The following THSD7B variants were observed in gnomAD, a reference collection of about 807,000 sequenced individuals.
THSD7B encodes thrombospondin type 1 domain containing 7B.
In THSD7B, 138 loss-of-function variants were observed where a neutral mutation model predicts 213.6. The ratio of observed to expected loss-of-function variants is 0.65; its 90% CI spans 0.56 to 0.74. THSD7B has a LOEUF of 0.74. Among genes scored for constraint, THSD7B ranks in the 30% least tolerant of loss-of-function variants. The pLI is 0.00. For synonymous variants in THSD7B, 742 were observed against 687.0 expected (o/e 1.08, Z -1.25); for missense variants, 1,931 against 1,991.5 (o/e 0.97, Z 0.58).
intron 15 of THSD7B, among the ~76,000 whole-genome samples, chr2:137,453,662 C>A (rs1294918562): frequency 1.3e-5 from 2 of 152,028 alleles, no homozygotes; most frequent in Non-Finnish European, 2.9e-5. Context: ...TTGAAATGTA[C>A]AATACACTAT....
At chr2:137,412,577 A>G (rs922836119) in intron 14 of THSD7B, among the ~76,000 whole-genome samples, 3 of 146,300 alleles carry the variant, frequency 2.1e-5, no homozygotes, top group Non-Finnish European at 4.5e-5. Flanking sequence ...TTCCTGGGCA[A>G]CGAGAGCAAA....
Position 137,487,924 on chromosome 2 carries a change from C to T in THSD7B, c.3138+36901C>T, listed in dbSNP as rs1254930300. On this transcript the variant is annotated intron_variant, in intron 15 of 27. Transcript: ENST00000409968. ...GACTACAGGCGCCCGCCACTACGCC[C>T]GGCTAATTTTTTGTATTTTTAGTAG... Among the ~76,000 whole-genome samples the T allele has an allele frequency of 3.8e-5, 2 of 52,666 alleles. 1 individual carries two copies. The highest frequency in any genetic ancestry group is 3.8e-4 in the Admixed American group (2 of 5,236). 34.6% of individuals were successfully genotyped at this position (52,666 alleles called of 152,430 possible). A position where few individuals can be genotyped will look rare whatever the true frequency, so the allele number is the denominator to read the frequency against.
chr2:137,461,656 C>A (rs1166503170), intron 15 of THSD7B, among the ~76,000 whole-genome samples: 2 of 152,092 alleles, frequency 1.3e-5, no homozygotes, highest in African/African-American at 4.8e-5. Context: ...GTCTGATAAG[C>A]CTCAAACATT....
At chr2:137,440,155 T>G (rs1687373165) in intron 14 of THSD7B, among the ~76,000 whole-genome samples, 1 of 152,168 alleles carries the variant, frequency 6.6e-6, no homozygotes, top group African/African-American at 2.4e-5. Flanking sequence ...TAATTAACCT[T>G]AAAGTTCAGA....
chr2:136,922,966 CA>C (rs1298407009), intron 2 of THSD7B, among the ~76,000 whole-genome samples: 1 of 152,080 alleles, frequency 6.6e-6, no homozygotes, highest in Non-Finnish European at 1.5e-5. Context: ...TTTATTGTGG[CA>C]AAAGGTATCA....
chr2:136,922,349 C>T (rs1455417109), intron 2 of THSD7B, among the ~76,000 whole-genome samples: 1 of 152,198 alleles, frequency 6.6e-6, no homozygotes, highest in Non-Finnish European at 1.5e-5. Flanking sequence ...GCATATCCTT[C>T]CCTTGATCAA....
chr2:137,087,964 G>A (rs951163711), intron 3 of THSD7B, among the ~76,000 whole-genome samples: 2 of 152,060 alleles, frequency 1.3e-5, no homozygotes, highest in Non-Finnish European at 2.9e-5. Flanking sequence ...CACAGGCCAG[G>A]CATGGTGGCT....
chr2:137,498,280 G>T (rs748305357), intron 15 of THSD7B, among the ~76,000 whole-genome samples: 1 of 151,702 alleles, frequency 6.6e-6, no homozygotes, highest in Non-Finnish European at 1.5e-5. Context: ...AATAAAAGAT[G>T]AATTAAGACT....
chr2:137,123,061 CT>C (rs944370924), intron 5 of THSD7B, among the ~76,000 whole-genome samples: 4 of 152,174 alleles, frequency 2.6e-5, no homozygotes, highest in Admixed American at 1.3e-4. Flanking sequence ...TGAATTCAAG[CT>C]TTGTGAACCT....
chr2:136,893,908 C>T (rs1201305959), intron 2 of THSD7B, among the ~76,000 whole-genome samples: 2 of 152,110 alleles, frequency 1.3e-5, no homozygotes, highest in Non-Finnish European at 2.9e-5. Context: ...ATTTTCTTAG[C>T]AAAAGTAGAA....
At chr2:136,791,113 GGAAA>G (rs1394092659) in intron 1 of THSD7B, among the ~76,000 whole-genome samples, 1 of 151,720 alleles carries the variant, frequency 6.6e-6, no homozygotes, top group African/African-American at 2.4e-5. Flanking sequence ...GGTGATAATT[GGAAA>G]GAAAGAAGAA....
At chr2:137,369,165 A>ATT (rs140330711) in intron 12 of THSD7B, among the ~76,000 whole-genome samples, 3,142 of 150,358 alleles carry the variant, frequency 0.021, 142 homozygotes, top group African/African-American at 0.074. Flanking sequence ...ATATATATAT[A>ATT]TATTTTTGAC....
intron 21 of THSD7B, among the ~76,000 whole-genome samples, chr2:137,646,032 GC>G (rs1683025054): frequency 6.6e-6 from 1 of 152,130 alleles, no homozygotes; most frequent in Admixed American, 6.5e-5. Context: ...AAATTATGGT[GC>G]TTTTTTGGGA....
At chr2:136,792,364 G>A (rs902987873) in intron 1 of THSD7B, among the ~76,000 whole-genome samples, 1 of 151,944 alleles carries the variant, frequency 6.6e-6, no homozygotes, top group Non-Finnish European at 1.5e-5. Context: ...CTGGGGGAGG[G>A]AGAGAGAGAT....
chr2:137,560,756 A>G (rs534937797), intron 15 of THSD7B, among the ~76,000 whole-genome samples: 4 of 152,170 alleles, frequency 2.6e-5, no homozygotes, highest in East Asian at 3.9e-4. Flanking sequence ...TGCACAAAGG[A>G]GTCCAGGTGC....
intron 7 of THSD7B, among the ~76,000 whole-genome samples, chr2:137,230,041 G>A (rs777511588): frequency 1.3e-5 from 2 of 152,060 alleles, no homozygotes; most frequent in Admixed American, 6.6e-5. Flanking sequence ...AATAAATGAC[G>A]TCACTATTCT....
chr2:137,240,240 T>C (rs895857247), intron 9 of THSD7B, among the ~76,000 whole-genome samples: 1 of 152,226 alleles, frequency 6.6e-6, no homozygotes, highest in Admixed American at 6.5e-5. Context: ...TCCTGTACTC[T>C]CTGTGACCAG....
chr2:137,335,836 A>G (rs569473522), intron 12 of THSD7B, among the ~76,000 whole-genome samples: 1 of 152,272 alleles, frequency 6.6e-6, no homozygotes, highest in East Asian at 1.9e-4. Flanking sequence ...GTTGTAATTG[A>G]AGAATATTGC....
chr2:137,237,300 C>T lies in THSD7B; in HGVS notation c.2150+4167C>T, dbSNP rs535218038. On this transcript the variant is annotated intron_variant, in intron 9 of 27. Transcript: ENST00000409968. Reference sequence around the variant, plus strand: ...CAGGAAGTTAAATTTTGACAAAAGGCAAGGGGCCATGTATGCTTACTAGCT... The same window carrying T: ...CAGGAAGTTAAATTTTGACAAAAGGTAAGGGGCCATGTATGCTTACTAGCT... Among the ~76,000 whole-genome samples, 5 of 152,206 alleles carry T rather than the reference C, an allele frequency of 3.3e-5. No individual in the cohort carries two copies. The South Asian group carries it at 1.0e-3, about 32-fold the overall frequency.
Sources: gnomAD v4.1 joint callset for allele counts (sites outside exome capture counted in the v4.1 genomes callset) on GRCh38, gnomAD v4.1.1 for gene constraint, MANE v1.5 for transcripts, NCBI Gene and HGNC (gene_info 2026-07-23, HGNC 2026-07-21) for gene names.